The following PIKFYVE variants were observed in gnomAD, a reference collection of about 807,000 sequenced individuals.
The protein encoded by PIKFYVE is 1-phosphatidylinositol 3-phosphate 5-kinase.
Under a neutral mutation model 257.9 loss-of-function variants are expected in PIKFYVE, and 122 were observed. The observed-to-expected ratio is 0.47, with a 90% CI of 0.41 to 0.55. The LOEUF (loss-of-function observed/expected upper bound fraction) is 0.55, where lower values mean the gene tolerates loss of function less well. Among genes scored for constraint, PIKFYVE ranks in the 20% least tolerant of loss-of-function variants. PIKFYVE has a pLI of 0.00. For synonymous variants in PIKFYVE, 892 were observed against 868.9 expected (o/e 1.03, Z -0.47); for missense variants, 2,160 against 2,536.6 (o/e 0.85, Z 3.19).
chr2:208,340,276 C>A, intron 31 of PIKFYVE, 145 bp downstream of exon 31: 1 of 1,096,536 alleles, frequency 9.1e-7, no homozygotes, highest in South Asian at 1.5e-5. Context: ...TCTTTTGATA[C>A]AATGTAATTT....
intron 15 of PIKFYVE, among the ~76,000 whole-genome samples, chr2:208,315,597 T>C (rs980391003): frequency 1.3e-5 from 2 of 152,072 alleles, no homozygotes; most frequent in African/African-American, 2.4e-5. Flanking sequence ...CGGAGATGAG[T>C]TGGGAACCCA....
At chr2:208,335,210 A>G in intron 24 of PIKFYVE, 96 bp from the exon 25 acceptor site, 1 of 828,794 alleles carries the variant, frequency 1.2e-6, no homozygotes, top group Non-Finnish European at 2.0e-6. Flanking sequence ...TTTTCCTCTT[A>G]TGCCTCATAG....
intron 39 of PIKFYVE, among the ~76,000 whole-genome samples, chr2:208,353,061 T>C (rs1209428854): frequency 6.6e-6 from 1 of 152,212 alleles, no homozygotes; most frequent in African/African-American, 2.4e-5. Flanking sequence ...TTTTTGAAGA[T>C]TAAGAAGCTG....
In PIKFYVE at chr2:208,336,903, G is replaced by A. The variant is rs1188702050; in HGVS notation, c.4586G>A (p.Arg1529Lys). ...KRPSVPPSPG[R>K]LRQGEESKIS... ...CCTTCAGTTCCTCCAAGTCCTGGAA[G>A]ACTGAGACAAGGGGAAGAAAGCAAG... The change falls in exon 28 of 42, where the codon AGA (arginine) becomes AAA (lysine). Residue 1529 changes from arginine to lysine, a missense_variant. By Grantham distance (26) the Arg-to-Lys change is conservative (BLOSUM62 2). This residue lies in a region of PIKFYVE where 699 missense variants were observed against 855.8 expected (regional missense o/e 0.82). Coordinates refer to ENST00000264380, the MANE Select transcript of PIKFYVE (RefSeq NM_015040.4). The A allele has an allele frequency of 6.2e-7, 1 of 1,612,664 alleles. No individual in the cohort carries two copies.
At chr2:208,282,339 A>G (rs543148194) in intron 5 of PIKFYVE, among the ~76,000 whole-genome samples, 1 of 152,346 alleles carries the variant, frequency 6.6e-6, no homozygotes, top group East Asian at 1.9e-4. Context: ...CTGTTGCTCT[A>G]AAGCCATTCT....
At chr2:208,304,453 G>C (rs1297064020) in intron 11 of PIKFYVE, 135 bp downstream of exon 11, 1 of 1,201,170 alleles carries the variant, frequency 8.3e-7, no homozygotes, top group Non-Finnish European at 1.2e-6. Context: ...TCTGATAGCA[G>C]TCTTTGTCTT....
chr2:208,322,567 A>G (rs1696379415), intron 17 of PIKFYVE, among the ~76,000 whole-genome samples: 1 of 151,780 alleles, frequency 6.6e-6, no homozygotes, highest in South Asian at 2.1e-4. Context: ...AACTCTTGTC[A>G]GCATAATCAA....
At position 208,326,319 on chromosome 2, in the gene PIKFYVE, T is replaced by G; in HGVS notation, c.3508T>G (p.Phe1170Val). 1 of 1,611,818 alleles carries G rather than the reference T, an allele frequency of 6.2e-7. No individual in the cohort carries two copies. The highest frequency in any genetic ancestry group is 8.5e-7 in the Non-Finnish European group (1 of 1,178,970). Residue 1170 changes from phenylalanine (F) to valine (V), a missense_variant, in exon 20 of 42, where the codon TTT (phenylalanine) becomes GTT (valine). Phe to Val is a conservative substitution (Grantham distance 50, BLOSUM62 -1). Transcript: ENST00000264380. The part of the protein sequence containing the change: ...GRIQPKNSDP[F>V]AHSKDASSTS... ...AATTCAGCCCAAAAATTCAGACCCTTTTGCTCATTCAAAGGATGCATCAAG... is the reference window on the plus strand; with the variant it reads ...AATTCAGCCCAAAAATTCAGACCCTGTTGCTCATTCAAAGGATGCATCAAG...
At chr2:208,350,178 G>A in intron 36 of PIKFYVE, 95 bp downstream of exon 36, 1 of 1,522,786 alleles carries the variant, frequency 6.6e-7, no homozygotes, top group Non-Finnish European at 8.8e-7. Flanking sequence ...CTAAATAAAT[G>A]TCCCAGTTCT....
intron 23 of PIKFYVE, among the ~76,000 whole-genome samples, chr2:208,331,787 C>T (rs942454280): frequency 6.6e-6 from 1 of 152,194 alleles, no homozygotes; most frequent in Non-Finnish European, 1.5e-5. Context: ...ATCAAAGTTG[C>T]ACCTGCAGCA....
Position 208,353,946 on chromosome 2 carries a change from A to G in PIKFYVE, c.5893A>G (p.Thr1965Ala). The G allele has an allele frequency of 1.9e-6, 3 of 1,614,022 alleles. No individual in the cohort carries two copies. Among genetic ancestry groups the G allele is most frequent in the Non-Finnish European group, 2.5e-6 (3 of 1,179,944 alleles). Reference sequence around the variant, plus strand: ...TAGGAATCGGAATGTAAAAACTGACACTGGAAAAGAGAGTTGTGATGTGGT... The same window carrying G: ...TAGGAATCGGAATGTAAAAACTGACGCTGGAAAAGAGAGTTGTGATGTGGT... ...SLRNRNVKTD[T>A]GKESCDVVLL... is the part of the protein sequence containing the mutation. The change falls in exon 40 of 42, where the codon ACT becomes GCT. Residue 1965 changes from threonine to alanine, a missense_variant. Thr to Ala is a moderately conservative substitution (Grantham distance 58). This residue lies in a region of PIKFYVE where 699 missense variants were observed against 855.8 expected (regional missense o/e 0.82). Transcript: ENST00000264380.
At chr2:208,273,521 C>G in intron 2 of PIKFYVE, 63 bp from the exon 3 acceptor site, 2 of 1,604,562 alleles carry the variant, frequency 1.2e-6, no homozygotes, top group Non-Finnish European at 1.7e-6. Context: ...AAATTTTCAT[C>G]TACTTCCTTC....
intron 35 of PIKFYVE, among the ~76,000 whole-genome samples, chr2:208,348,782 A>G (rs1699483092): frequency 6.6e-6 from 1 of 152,112 alleles, no homozygotes; most frequent in Non-Finnish European, 1.5e-5. Context: ...TGGCAAGTTG[A>G]GTAGTTGGAA....
intron 5 of PIKFYVE, among the ~76,000 whole-genome samples, chr2:208,284,789 A>C (rs1468295778): frequency 6.6e-6 from 1 of 151,980 alleles, no homozygotes; most frequent in Non-Finnish European, 1.5e-5. Context: ...TTATTCCTTG[A>C]AACTCATGTC....
chr2:208,347,943 T>TA lies in PIKFYVE; in HGVS notation c.5295dup (p.Arg1766ThrfsTer5). 1 of 1,613,990 alleles carries TA rather than the reference T, an allele frequency of 6.2e-7. No homozygotes were observed. The highest frequency in any genetic ancestry group is 8.5e-7 in the Non-Finnish European group (1 of 1,179,888). ...CTCTCTTCCCAGAAGAGAGAGACCTTACGTGGAGCAGATAGTGCTTACTAC... is the reference window on the plus strand; with the variant it reads ...CTCTCTTCCCAGAAGAGAGAGACCTTAACGTGGAGCAGATAGTGCTTACTAC... On this transcript the variant is annotated frameshift_variant, in exon 35 of 42. Coordinates refer to ENST00000264380, the MANE Select transcript of PIKFYVE (RefSeq NM_015040.4). LOFTEE classifies it high-confidence loss of function.
intron 39 of PIKFYVE, among the ~76,000 whole-genome samples, chr2:208,353,079 C>T (rs575217807): frequency 6.6e-6 from 1 of 152,266 alleles, no homozygotes; most frequent in East Asian, 1.9e-4. Flanking sequence ...CTGAGGCATA[C>T]AGAAATTAAG....
intron 15 of PIKFYVE, 78 bp downstream of exon 15, chr2:208,315,451 C>T: frequency 6.5e-7 from 1 of 1,533,684 alleles, no homozygotes; most frequent in Non-Finnish European, 9.0e-7. Flanking sequence ...TAATGGTAAT[C>T]TGAAAAGAGT....
chr2:208,269,570 TGG>T, intron 1 of PIKFYVE: 1 of 284,142 alleles, frequency 3.5e-6, no homozygotes, highest in Non-Finnish European at 7.1e-6. Flanking sequence ...GCCTGGAGCA[TGG>T]GCAGGAAAGT....
At chr2:208,298,823 G>A in intron 8 of PIKFYVE, 44 bp downstream of exon 8, 2 of 1,610,572 alleles carry the variant, frequency 1.2e-6, no homozygotes, top group Non-Finnish European at 1.7e-6. Context: ...TTTGAGCATA[G>A]AGAATGTTCA....
Sources: allele counts gnomAD v4.1 joint callset (sites outside exome capture counted in the v4.1 genomes callset), GRCh38; gene constraint gnomAD v4.1.1; regional missense constraint gnomAD v4.1.1; transcripts MANE v1.5; gene names NCBI Gene and HGNC (gene_info 2026-07-23, HGNC 2026-07-21).